Variants in LRRC7 observed in about 807,000 individuals in gnomAD.
The protein encoded by LRRC7 is leucine-rich repeat-containing protein 7.
Under a neutral mutation model 175.7 loss-of-function variants are expected in LRRC7, and 23 were observed. That is an observed-to-expected ratio of 0.13 (90% confidence interval 0.09 to 0.19). LRRC7 has a LOEUF of 0.19. Among genes scored for constraint, LRRC7 ranks in the 10% least tolerant of loss-of-function variants. The pLI is 1.00. For synonymous variants in LRRC7, 685 were observed against 680.9 expected (o/e 1.01, Z -0.09); for missense variants, 1,354 against 1,904.7 (o/e 0.71, Z 5.38).
At chr1:69,583,236 A>G (rs937824034) in intron 1 of LRRC7, among the ~76,000 whole-genome samples, 8 of 151,972 alleles carry the variant, frequency 5.3e-5, no homozygotes, top group African/African-American at 1.9e-4. Context: ...GCTCAGATCT[A>G]CTGTATCTAA....
Position 69,685,899 on chromosome 1 carries a change from C to CA in LRRC7, c.100+7433dup, listed in dbSNP as rs533580489. On this transcript the variant is annotated intron_variant, in intron 2 of 26. Transcript: ENST00000651989. ...TGGGTCAACTCCAAAGAAGATAAAC[C>CA]AAAAAAAAAAAATCCACAACAGGAC... 7.4e-3 allele frequency among the ~76,000 whole-genome samples: 991 copies of CA among 133,732 alleles called. 2 individuals are homozygous for CA. Among genetic ancestry groups the CA allele is most frequent in the South Asian group, 0.012 (48 of 4,160 alleles). The allele number at this position is 133,732 out of a possible 152,430, so 87.7% of individuals were successfully genotyped here.
chr1:69,694,030 A>C (rs989461573), intron 2 of LRRC7, among the ~76,000 whole-genome samples: 2 of 152,154 alleles, frequency 1.3e-5, no homozygotes, highest in Non-Finnish European at 2.9e-5. Flanking sequence ...AATCATGTCC[A>C]TTCTCTCCTT....
chr1:69,676,371 AT>A (rs1200468738), intron 1 of LRRC7, among the ~76,000 whole-genome samples: 1 of 152,118 alleles, frequency 6.6e-6, no homozygotes, highest in Non-Finnish European at 1.5e-5. Context: ...AACCAGTGAT[AT>A]CCCTGGTTGA....
intron 2 of LRRC7, among the ~76,000 whole-genome samples, chr1:69,691,467 A>C (rs1310571791): frequency 6.6e-6 from 1 of 152,058 alleles, no homozygotes; most frequent in Non-Finnish European, 1.5e-5. Context: ...CATCACTCTA[A>C]TAAAGTTTGA....
chr1:70,050,806 A>G (rs1210638050), intron 22 of LRRC7, among the ~76,000 whole-genome samples: 1 of 152,038 alleles, frequency 6.6e-6, no homozygotes, highest in Non-Finnish European at 1.5e-5. Flanking sequence ...AACCACCACC[A>G]TCACCAAATG....
intron 2 of LRRC7, among the ~76,000 whole-genome samples, chr1:69,752,270 AG>A (rs753920686): frequency 2.6e-5 from 4 of 152,136 alleles, no homozygotes; most frequent in Non-Finnish European, 5.9e-5. Context: ...ATGAGGAAAA[AG>A]GTTTCTCAAT....
At chr1:70,093,348 A>G (rs972718124) in intron 25 of LRRC7, among the ~76,000 whole-genome samples, 7 of 152,160 alleles carry the variant, frequency 4.6e-5, no homozygotes, top group Admixed American at 6.5e-5. Flanking sequence ...GATCTTCATA[A>G]CTATTTCTGT....
intron 2 of LRRC7, among the ~76,000 whole-genome samples, chr1:69,726,030 C>A (rs947784809): frequency 6.6e-6 from 1 of 152,302 alleles, no homozygotes; most frequent in African/African-American, 2.4e-5. Context: ...AACCATTAAC[C>A]TAGAGAAAGA....
Position 69,800,484 on chromosome 1 carries a change from A to G in LRRC7, c.421+8324A>G, listed in dbSNP as rs373756954. ...TCCATGGTTAAATAGATCCCAAGGC[A>G]TTTTATTCATTTGCAGCTATTGTAA... On this transcript the variant is annotated intron_variant, in intron 4 of 26. Transcript: ENST00000651989. Among the ~76,000 whole-genome samples, 6 of 151,992 alleles carry G rather than the reference A, an allele frequency of 3.9e-5. No individual in the cohort carries two copies. In the East Asian group the frequency reaches 9.6e-4, roughly 24 times the overall value.
intron 18 of LRRC7, among the ~76,000 whole-genome samples, chr1:70,029,154 A>G (rs1356637939): frequency 6.6e-6 from 1 of 152,156 alleles, no homozygotes; most frequent in Non-Finnish European, 1.5e-5. Flanking sequence ...CCAACTGCAT[A>G]TGTAACACTG....
At chr1:69,573,422 T>G (rs921473244) in intron 1 of LRRC7, among the ~76,000 whole-genome samples, 8 of 152,202 alleles carry the variant, frequency 5.3e-5, no homozygotes, top group Admixed American at 5.2e-4. Flanking sequence ...CCTATTATTT[T>G]TGGACTATTA....
At chr1:69,886,135 G>T (rs1245639175) in intron 7 of LRRC7, among the ~76,000 whole-genome samples, 2 of 151,612 alleles carry the variant, frequency 1.3e-5, no homozygotes, top group Admixed American at 1.3e-4. Context: ...TATTAGGTCC[G>T]GTTGGTGCAG....
chr1:69,693,250 C>A (rs897582115), intron 2 of LRRC7, among the ~76,000 whole-genome samples: 6 of 152,000 alleles, frequency 3.9e-5, no homozygotes, highest in African/African-American at 1.4e-4. Context: ...ATCTATATAT[C>A]CCATATAATA....
At chr1:69,783,361 G>A (rs752456415) in intron 3 of LRRC7, among the ~76,000 whole-genome samples, 9 of 152,182 alleles carry the variant, frequency 5.9e-5, no homozygotes, top group Non-Finnish European at 1.2e-4. Context: ...AGACCAGTAG[G>A]CTAGAAATAG....
intron 1 of LRRC7, among the ~76,000 whole-genome samples, chr1:69,630,993 G>A (rs1379748093): frequency 6.6e-6 from 1 of 151,928 alleles, no homozygotes; most frequent in African/African-American, 2.4e-5. Flanking sequence ...TGAGGAAATT[G>A]TGTACATTGA....
At chr1:69,856,384 A>C (rs927058670) in intron 7 of LRRC7, among the ~76,000 whole-genome samples, 3 of 152,190 alleles carry the variant, frequency 2.0e-5, no homozygotes, top group Non-Finnish European at 2.9e-5. Context: ...ATAAAGAAGA[A>C]AAGAGAGAAG....
rs1373655583 is a variant in LRRC7 at position 70,141,959 on chromosome 1, A to C, written c.*20072A>C. 2 of 152,066 alleles carry C rather than the reference A, an allele frequency of 1.3e-5. No homozygotes were observed. The highest frequency in any genetic ancestry group is 1.5e-5 in the Non-Finnish European group (1 of 67,956). The allele number at this position is 152,066 out of a possible 1,614,324, so 9.4% of individuals were successfully genotyped here. On this transcript the variant is annotated 3_prime_UTR_variant, in exon 27 of 27. Transcript: ENST00000651989. The stretch of plus-strand genomic sequence containing the variant: ...AACGAAAGCATTTGACAAATGGACA[A>C]AAGAAATCACATTGTATTTCTTTGT...
intron 4 of LRRC7, among the ~76,000 whole-genome samples, chr1:69,824,300 A>C (rs1038612137): frequency 6.6e-6 from 1 of 152,188 alleles, no homozygotes; most frequent in African/African-American, 2.4e-5. Context: ...AAAGAATTTT[A>C]TGGGAAAATG....
intron 1 of LRRC7, among the ~76,000 whole-genome samples, chr1:69,608,535 T>A (rs889484592): frequency 6.6e-6 from 1 of 152,068 alleles, no homozygotes; most frequent in Admixed American, 6.6e-5. Context: ...AGCCAGTCAG[T>A]GTCCCATAAC....
Sources: gnomAD v4.1 joint callset for allele counts (sites outside exome capture counted in the v4.1 genomes callset) on GRCh38, gnomAD v4.1.1 for gene constraint, MANE v1.5 for transcripts, NCBI Gene and HGNC (gene_info 2026-07-23, HGNC 2026-07-21) for gene names.